Variants in THSD7A observed in about 807,000 individuals in gnomAD.
THSD7A encodes the protein thrombospondin type-1 domain-containing protein 7A.
In THSD7A, 96 loss-of-function variants were observed where a neutral mutation model predicts 231.3. The ratio of observed to expected loss-of-function variants is 0.41; its 90% CI spans 0.35 to 0.49. The LOEUF (loss-of-function observed/expected upper bound fraction) is 0.49, where lower values mean the gene tolerates loss of function less well. Among genes scored for constraint, THSD7A ranks in the 20% least tolerant of loss-of-function variants. The probability of loss-of-function intolerance (pLI) is 0.05; values close to 1 mark genes in which losing one functional copy is unlikely to be tolerated. For missense variants in THSD7A, 2,290 were observed against 2,070.2 expected, an observed-to-expected ratio of 1.11 and a Z score of -2.06; for synonymous variants, 940 against 743.3, an observed-to-expected ratio of 1.26 and a Z score of -4.30.
chr7:11,667,803 A>G (rs912365697), intron 1 of THSD7A, among the ~76,000 whole-genome samples: 21 of 152,170 alleles, frequency 1.4e-4, no homozygotes, highest in African/African-American at 5.1e-4. Flanking sequence ...TGTATAAAGG[A>G]ATCTTGAAAA....
At chr7:11,817,228 C>T (rs970730102) in intron 1 of THSD7A, among the ~76,000 whole-genome samples, 1 of 152,098 alleles carries the variant, frequency 6.6e-6, no homozygotes, top group Non-Finnish European at 1.5e-5. Flanking sequence ...CGTATACTTC[C>T]AACATCCTTT....
chr7:11,820,094 C>T (rs913081089), intron 1 of THSD7A, among the ~76,000 whole-genome samples: 4 of 146,352 alleles, frequency 2.7e-5, no homozygotes, highest in Non-Finnish European at 5.9e-5. Flanking sequence ...CGTTGTGTTC[C>T]GCTCAAGAGC....
At chr7:11,509,884 G>C (rs4720991) in intron 6 of THSD7A, among the ~76,000 whole-genome samples, 17,610 of 146,204 alleles carry the variant, frequency 0.12, 1,298 homozygotes, top group African/African-American at 0.2. Flanking sequence ...TTAAGAATCT[G>C]AACATTGGAA....
chr7:11,544,330 G>C (rs1376913277), intron 4 of THSD7A, among the ~76,000 whole-genome samples: 1 of 151,766 alleles, frequency 6.6e-6, no homozygotes. Context: ...AACAGAGCGA[G>C]ACACAGTCGG....
At chr7:11,560,440 AT>A (rs5882313) in intron 4 of THSD7A, among the ~76,000 whole-genome samples, 34,699 of 144,374 alleles carry the variant, frequency 0.24, 4,485 homozygotes, top group Admixed American at 0.43. Context: ...AAATAAGACT[AT>A]AAAATTTGTC....
At chr7:11,551,111 T>C (rs1789610806) in intron 4 of THSD7A, among the ~76,000 whole-genome samples, 1 of 152,100 alleles carries the variant, frequency 6.6e-6, no homozygotes, top group Non-Finnish European at 1.5e-5. Flanking sequence ...CCTGATTCAA[T>C]AAGTTATCCT....
At chr7:11,546,204 T>TGCGCACACACACACACAAA (rs1562706169) in intron 4 of THSD7A, among the ~76,000 whole-genome samples, 2 of 140,360 alleles carry the variant, frequency 1.4e-5, no homozygotes, top group Admixed American at 6.9e-5. Context: ...GGGCGCGCGC[T>TGCGCACACACACACACAAA]CACACACACA....
chr7:11,648,978 G>T (rs1584144691), intron 1 of THSD7A, among the ~76,000 whole-genome samples: 1 of 152,098 alleles, frequency 6.6e-6, no homozygotes, highest in South Asian at 2.1e-4. Context: ...TGATTCCAAT[G>T]GTCCCTGCTT....
Position 11,543,109 on chromosome 7 carries a change from G to T in THSD7A, c.1462C>A (p.Pro488Thr). Reference protein sequence around the residue: ...STHKNKEASKPMDLKLCTGPI... With the variant: ...STHKNKEASKTMDLKLCTGPI... ...CCAGTGCATAATTTTAAGTCCATTG[G>T]CTTTGAGGCTAGAGAAAAATACAGA... Residue 488 changes from proline (P) to threonine (T), a missense_variant, in exon 5 of 28, where the codon CCA (proline) becomes ACA (threonine). Coordinates refer to ENST00000423059, the MANE Select transcript of THSD7A (RefSeq NM_015204.3). 3 of 1,609,668 alleles carry T rather than the reference G, an allele frequency of 1.9e-6. No individual in the cohort carries two copies. Among genetic ancestry groups the T allele is most frequent in the Non-Finnish European group, 2.5e-6 (3 of 1,178,034 alleles).
At chr7:11,777,140 G>A (rs1401517338) in intron 1 of THSD7A, among the ~76,000 whole-genome samples, 1 of 152,112 alleles carries the variant, frequency 6.6e-6, no homozygotes, top group South Asian at 2.1e-4. Context: ...TATATAAATT[G>A]CTCAGCTCAA....
intron 23 of THSD7A, among the ~76,000 whole-genome samples, chr7:11,388,863 C>T (rs2115322404): frequency 6.6e-6 from 1 of 151,912 alleles, no homozygotes; most frequent in Non-Finnish European, 1.5e-5. Context: ...AGAATATTTA[C>T]CCAGTAAGTC....
intron 1 of THSD7A, among the ~76,000 whole-genome samples, chr7:11,690,525 C>G (rs1052084812): frequency 6.6e-6 from 1 of 151,626 alleles, no homozygotes; most frequent in African/African-American, 2.4e-5. Context: ...TGTGTGTTTT[C>G]CTCCTCAGCT....
At chr7:11,653,290 T>G (rs969495473) in intron 1 of THSD7A, among the ~76,000 whole-genome samples, 1 of 151,878 alleles carries the variant, frequency 6.6e-6, no homozygotes, top group Admixed American at 6.6e-5. Flanking sequence ...AGTACCCATG[T>G]CACACAACTA....
chr7:11,800,065 G>C (rs1044357139), intron 1 of THSD7A, among the ~76,000 whole-genome samples: 6 of 152,252 alleles, frequency 3.9e-5, no homozygotes, highest in Admixed American at 6.5e-5. Context: ...GCTTCACTAT[G>C]TGCACTGAGA....
At chr7:11,385,690 T>TA (rs1782711578) in intron 23 of THSD7A, 1 of 152,136 alleles carries the variant, frequency 6.6e-6, no homozygotes, top group African/African-American at 2.4e-5. Flanking sequence ...ATTTTATTTT[T>TA]ATGATTTTGA....
chr7:11,554,211 G>A lies in THSD7A; in HGVS notation c.1454-11094C>T, dbSNP rs563253475. ...ATTCAGAAATAAGGCCTTTGCAAAC[G>A]TAATTAGTTGATGAGGTCTTACCGG... is the stretch of plus-strand genomic sequence containing the variant. On this transcript the variant is annotated intron_variant, in intron 4 of 27. Coordinates refer to ENST00000423059, the MANE Select transcript of THSD7A (RefSeq NM_015204.3). 2.2e-4 allele frequency among the ~76,000 whole-genome samples: 33 copies of A among 152,074 alleles called. No homozygotes were observed. In the South Asian group the frequency reaches 6.0e-3, roughly 28 times the overall value.
intron 1 of THSD7A, among the ~76,000 whole-genome samples, chr7:11,803,648 C>T (rs1332330422): frequency 1.3e-5 from 2 of 152,108 alleles, no homozygotes; most frequent in Non-Finnish European, 2.9e-5. Flanking sequence ...TCCTACTTGG[C>T]TATGCTAGAT....
At chr7:11,409,676 T>C (rs1323000714) in intron 19 of THSD7A, among the ~76,000 whole-genome samples, 1 of 152,196 alleles carries the variant, frequency 6.6e-6, no homozygotes, top group African/African-American at 2.4e-5. Flanking sequence ...AAGGACATAC[T>C]AATCAACCAG....
In THSD7A at chr7:11,406,496, C is replaced by T; in HGVS notation, c.4063-22G>A. 2 of 1,586,196 alleles carry T rather than the reference C, an allele frequency of 1.3e-6. No individual in the cohort carries two copies. The highest frequency in any genetic ancestry group is 8.6e-7 in the Non-Finnish European group (1 of 1,168,118). On this transcript the variant is annotated intron_variant, in intron 21 of 27. Transcript: ENST00000423059. The surrounding 1 kb of genome is among the most constrained non-coding windows in gnomAD (Gnocchi z 4.7). ...CCTCCTGGAATGGAGGAAGAAATAA[C>T]TAATTAGAAAAAGAGAAATACTTCA...
Sources: allele counts gnomAD v4.1 joint callset (sites outside exome capture counted in the v4.1 genomes callset), GRCh38; gene constraint gnomAD v4.1.1; non-coding constraint Gnocchi (gnomAD v3.1); transcripts MANE v1.5; gene names NCBI Gene and HGNC (gene_info 2026-07-23, HGNC 2026-07-21).